MORC1: variants seen among roughly 807,000 people sequenced by gnomAD.
MORC1 encodes MORC family CW-type zinc finger protein 1.
A neutral mutation model predicts 134.9 loss-of-function variants in MORC1; 59 were observed. That is an observed-to-expected ratio of 0.44 (90% CI 0.35 to 0.54). The LOEUF (loss-of-function observed/expected upper bound fraction) is 0.54, where lower values mean the gene tolerates loss of function less well. Among genes scored for constraint, MORC1 ranks in the 20% least tolerant of loss-of-function variants. MORC1 has a pLI of 0.00. For synonymous variants in MORC1, 395 were observed against 391.7 expected (o/e 1.01, Z -0.10); for missense variants, 947 against 1,134.5 (o/e 0.83, Z 2.37).
At chr3:109,067,090 A>G (rs2107699570) in intron 9 of MORC1, among the ~76,000 whole-genome samples, 1 of 152,278 alleles carries the variant, frequency 6.6e-6, no homozygotes, top group East Asian at 1.9e-4. Flanking sequence ...GTTGCAGAGT[A>G]TTCAACAAGA....
At chr3:108,985,027 T>G (rs1451242341) in intron 22 of MORC1, among the ~76,000 whole-genome samples, 1 of 152,218 alleles carries the variant, frequency 6.6e-6, no homozygotes, top group Non-Finnish European at 1.5e-5. Context: ...TTTTTGGTAA[T>G]TTTTAAATGG....
At chr3:109,116,900 C>T (rs1164156577) in intron 1 of MORC1, among the ~76,000 whole-genome samples, 1 of 152,128 alleles carries the variant, frequency 6.6e-6, no homozygotes, top group Non-Finnish European at 1.5e-5. Context: ...GAAAATGGTA[C>T]TGGGGAAGTG....
At position 109,029,285 on chromosome 3, in the gene MORC1, A is replaced by T. The variant is rs548487003; in HGVS notation, c.1566-1396T>A. On this transcript the variant is annotated intron_variant, in intron 16 of 27. Transcript: ENST00000232603. ...ACAACTTCTATATATACAGCAACCC[A>T]CAGTGTTGATTTGAAGACATCTGTG... Among the ~76,000 whole-genome samples the T allele has an allele frequency of 6.6e-5, 10 of 152,320 alleles. No individual in the cohort carries two copies. In the East Asian group the frequency reaches 1.9e-3, roughly 29 times the overall value.
chr3:109,095,396 A>G (rs549584052), intron 6 of MORC1, among the ~76,000 whole-genome samples: 1 of 152,322 alleles, frequency 6.6e-6, no homozygotes, highest in Admixed American at 6.5e-5. Context: ...AAAGCAATCT[A>G]AAGCCCAAGC....
In MORC1 at chr3:109,111,217, T is replaced by C. The variant is rs190640915; in HGVS notation, c.120-434A>G. 4.6e-5 allele frequency among the ~76,000 whole-genome samples: 7 copies of C among 152,134 alleles called. No individual in the cohort carries two copies. In the East Asian group the frequency reaches 1.4e-3, roughly 29 times the overall value. ...ATACATGGAAGGAAAGAAATCAACA[T>C]GTTAATAGGAGTTTTCTCTTTGTTA... On this transcript the variant is annotated intron_variant, in intron 2 of 27. Coordinates refer to ENST00000232603, the MANE Select transcript of MORC1 (RefSeq NM_014429.4).
chr3:109,002,137 C>T (rs78564077), intron 20 of MORC1, among the ~76,000 whole-genome samples: 168 of 152,354 alleles, frequency 1.1e-3, no homozygotes, highest in African/African-American at 4.0e-3. Context: ...GCTCTGCCCA[C>T]ATTCACTTTT....
intron 16 of MORC1, among the ~76,000 whole-genome samples, chr3:109,030,828 A>T (rs965668909): frequency 4.6e-5 from 7 of 152,174 alleles, no homozygotes; most frequent in African/African-American, 1.7e-4. Context: ...TTTATAACTA[A>T]AAGTATTATT....
chr3:109,084,170 G>A (rs939123991), intron 8 of MORC1, among the ~76,000 whole-genome samples: 46 of 152,114 alleles, frequency 3.0e-4, no homozygotes, highest in African/African-American at 1.1e-3. Context: ...AATTAGCCAA[G>A]AGAAAGAAAT....
chr3:108,966,864 A>T (rs1217304345), intron 26 of MORC1, among the ~76,000 whole-genome samples: 2 of 152,142 alleles, frequency 1.3e-5, no homozygotes, highest in African/African-American at 4.8e-5. Flanking sequence ...TTTTAGATGG[A>T]ACAGAGGCCT....
At chr3:108,967,077 T>A (rs773044571) in intron 26 of MORC1, among the ~76,000 whole-genome samples, 5 of 152,180 alleles carry the variant, frequency 3.3e-5, no homozygotes, top group Non-Finnish European at 5.9e-5. Context: ...GTTCTGTGTT[T>A]TGCTTACAAG....
At chr3:109,085,628 G>A (rs1400437209) in intron 8 of MORC1, among the ~76,000 whole-genome samples, 1 of 151,746 alleles carries the variant, frequency 6.6e-6, no homozygotes, top group Non-Finnish European at 1.5e-5. Flanking sequence ...GTGAGGATGT[G>A]GAGAAAGGGG....
At chr3:108,998,666 G>C (rs1313392947) in intron 21 of MORC1, among the ~76,000 whole-genome samples, 1 of 152,132 alleles carries the variant, frequency 6.6e-6, no homozygotes, top group Non-Finnish European at 1.5e-5. Flanking sequence ...GTTTAAGAAA[G>C]TACAGACAGA....
At chr3:109,058,425 A>G (rs1415297249) in intron 12 of MORC1, among the ~76,000 whole-genome samples, 1 of 152,156 alleles carries the variant, frequency 6.6e-6, no homozygotes, top group African/African-American at 2.4e-5. Flanking sequence ...ATTCTCCTGC[A>G]CTTACCCTGT....
chr3:109,080,368 A>G (rs955280884), intron 8 of MORC1, among the ~76,000 whole-genome samples: 2 of 152,144 alleles, frequency 1.3e-5, no homozygotes, highest in African/African-American at 4.8e-5. Context: ...AGAACACCAC[A>G]GCAAAGACTT....
Position 109,032,806 on chromosome 3 carries a change from T to C in MORC1, c.1479A>G (p.Arg493=). The change falls in exon 16 of 28, where the codon AGA becomes AGG. Residue 493 remains arginine (R), a synonymous_variant. Coordinates refer to ENST00000232603, the MANE Select transcript of MORC1 (RefSeq NM_014429.4). ...IIQCDLCLKW[R]VLPSSTNYQE... ...GATAATTAGTAGAGGAAGGCAAGAC[T>C]CTCCATTTAAGACAAAGATCTGACA... 1 of 1,596,710 alleles carries C rather than the reference T, an allele frequency of 6.3e-7. No homozygotes were observed.
chr3:109,087,543 G>A (rs1453294075), intron 8 of MORC1, among the ~76,000 whole-genome samples: 1 of 151,986 alleles, frequency 6.6e-6, no homozygotes, highest in Non-Finnish European at 1.5e-5. Flanking sequence ...TCCACAAGGA[G>A]AATTACAAAA....
At chr3:109,083,927 G>A (rs542058109) in intron 8 of MORC1, among the ~76,000 whole-genome samples, 6 of 152,232 alleles carry the variant, frequency 3.9e-5, no homozygotes, top group African/African-American at 1.4e-4. Context: ...CATTTCAATT[G>A]ATGATGAAAA....
intron 14 of MORC1, among the ~76,000 whole-genome samples, chr3:109,053,106 T>TAA (rs200991752): frequency 2.5e-4 from 25 of 101,448 alleles, no homozygotes; most frequent in African/African-American, 7.7e-4. Context: ...TGTTATAAAG[T>TAA]AAAAAAAAAA....
chr3:109,101,806 T>A (rs1246244995), intron 4 of MORC1, among the ~76,000 whole-genome samples: 1 of 152,174 alleles, frequency 6.6e-6, no homozygotes, highest in Non-Finnish European at 1.5e-5. Flanking sequence ...CAAATGTAAG[T>A]CTAAGGAGTT....
Sources: allele counts gnomAD v4.1 joint callset (sites outside exome capture counted in the v4.1 genomes callset), GRCh38; gene constraint gnomAD v4.1.1; transcripts MANE v1.5; gene names NCBI Gene and HGNC (gene_info 2026-07-23, HGNC 2026-07-21).